Variants in GUK1 observed in about 807,000 individuals in gnomAD.
The protein encoded by GUK1 is guanylate kinase.
In GUK1, 18 loss-of-function variants were observed where a neutral mutation model predicts 25.2. The observed-to-expected ratio is 0.71, with a 90% CI of 0.49 to 1.06. The LOEUF is 1.06. Among genes scored for constraint, GUK1 ranks in the 50% least tolerant of loss-of-function variants. The pLI, the probability that GUK1 is intolerant of heterozygous loss-of-function variation, is 0.00. For synonymous variants in GUK1, 105 were observed against 117.6 expected, an observed-to-expected ratio of 0.89 and a Z score of 0.69; for missense variants, 261 against 276.7, an observed-to-expected ratio of 0.94 and a Z score of 0.40.
rs139322242 is a variant in GUK1 at position 228,148,430 on chromosome 1, G to A, written c.535G>A (p.Ala179Thr). The A allele has an allele frequency of 5.0e-5, 78 of 1,572,886 alleles. No homozygotes were observed. The African/African-American group carries it at 7.6e-4, about 15-fold the overall frequency. Reference sequence around the variant, plus strand: ...TAACGACAGCCTGGACCAGGCCTACGCAGAGCTGAAGGAGGCGCTCTCTGA... The same window carrying A: ...TAACGACAGCCTGGACCAGGCCTACACAGAGCTGAAGGAGGCGCTCTCTGA... Residue 179 changes from alanine (A) to threonine (T), a missense_variant, in exon 8 of 9, where the codon GCA becomes ACA. Ala to Thr is a moderately conservative substitution (Grantham distance 58). Coordinates refer to ENST00000312726, the MANE Select transcript of GUK1 (RefSeq NM_000858.7).
At chr1:228,144,097 CATGT>C (rs1230040775) in intron 2 of GUK1, among the ~76,000 whole-genome samples, 5 of 151,938 alleles carry the variant, frequency 3.3e-5, no homozygotes, top group Non-Finnish European at 7.4e-5. Flanking sequence ...TGTGTGCATG[CATGT>C]GTGTGTGTTT....
At chr1:228,141,946 C>A in intron 2 of GUK1, 1 of 300,406 alleles carries the variant, frequency 3.3e-6, no homozygotes, top group Non-Finnish European at 5.7e-6. Context: ...CCTCTGCCCA[C>A]AGGAAGACAC....
At position 228,148,826 on chromosome 1, in the gene GUK1, C is replaced by A; in HGVS notation, c.*129C>A. The A allele has an allele frequency of 6.4e-7, 1 of 1,561,832 alleles. No homozygotes were observed. The stretch of plus-strand genomic sequence containing the variant: ...GCATGTGGAGTGGAGGAGATGCTGC[C>A]CCTGTGGTTGGAACATCCTGGGGTG... On this transcript the variant is annotated 3_prime_UTR_variant, in exon 9 of 9. Transcript: ENST00000312726.
chr1:228,147,487 G>T lies in GUK1; in HGVS notation c.333G>T (p.Lys111Asn), dbSNP rs376785107. 3.1e-6 allele frequency: 5 copies of T among 1,613,186 alleles called. No homozygotes were observed. The East Asian group carries it at 1.1e-4, about 36-fold the overall frequency. Residue 111 changes from lysine to asparagine, a missense_variant, in exon 6 of 9, where the codon AAG (lysine) becomes AAT (asparagine). By Grantham distance (94) the Lys-to-Asn change is moderately conservative. Transcript: ENST00000312726. The stretch of plus-strand genomic sequence containing the variant: ...ACCTGCAGGGTGTGCGGAACATCAA[G>T]GCCACCGATCTGCGGCCCATCTACA...
At position 228,148,429 on chromosome 1, in the gene GUK1, C is replaced by A. The variant is rs146725528; in HGVS notation, c.534C>A (p.Tyr178Ter). The A allele has an allele frequency of 6.4e-7, 1 of 1,572,668 alleles. No individual in the cohort carries two copies. Among genetic ancestry groups the A allele is most frequent in the South Asian group, 1.2e-5 (1 of 86,444 alleles). Residue 178 changes from tyrosine (Y) to a stop codon, truncating the protein, a stop_gained, in exon 8 of 9, where the codon TAC becomes TAA. Coordinates refer to ENST00000312726, the MANE Select transcript of GUK1 (RefSeq NM_000858.7). LOFTEE classifies it high-confidence loss of function. Reference sequence around the variant, plus strand: ...TTAACGACAGCCTGGACCAGGCCTACGCAGAGCTGAAGGAGGCGCTCTCTG... The same window carrying A: ...TTAACGACAGCCTGGACCAGGCCTAAGCAGAGCTGAAGGAGGCGCTCTCTG...
Position 228,146,017 on chromosome 1 carries a change from C to T in GUK1, c.113-9C>T. ...GCAGCCCCCGATGGGTGACAGGTCT[C>T]TCTGCTAGATACCACGAGGAACCCG... On this transcript the variant is annotated splice_polypyrimidine_tract_variant and intron_variant, in intron 3 of 8. Coordinates refer to ENST00000312726, the MANE Select transcript of GUK1 (RefSeq NM_000858.7). The T allele has an allele frequency of 6.2e-7, 1 of 1,608,422 alleles. No homozygotes were observed. The highest frequency in any genetic ancestry group is 1.1e-5 in the South Asian group (1 of 90,954).
At chr1:228,146,966 TC>T in intron 5 of GUK1, 28 bp downstream of exon 4, 1 of 1,473,416 alleles carries the variant, frequency 6.8e-7, no homozygotes, top group Non-Finnish European at 9.5e-7. Context: ...GTGGGTGGGC[TC>T]CCAGGGTTGC....
At position 228,147,944 on chromosome 1, in the gene GUK1, A is replaced by G. The variant is rs1438446078; in HGVS notation, c.475+245A>G. The G allele has an allele frequency of 5.1e-6, 3 of 583,020 alleles. No individual in the cohort carries two copies. In the Admixed American group the frequency reaches 9.4e-5, roughly 18 times the overall value. The allele number at this position is 583,020 out of a possible 1,614,324, so 36.1% of individuals were successfully genotyped here. On this transcript the variant is annotated intron_variant, in intron 7 of 8. Coordinates refer to ENST00000312726, the MANE Select transcript of GUK1 (RefSeq NM_000858.7). ...CCCTCTGTTACCCAGAGTCTCCGTG[A>G]GGGCCCCCAGACCCCCCATCGCCCA...
intron 5 of GUK1, among the ~76,000 whole-genome samples, 173 bp from the exon 5 acceptor site, chr1:228,147,233 G>T (rs570357420): frequency 4.6e-5 from 7 of 152,318 alleles, no homozygotes; most frequent in African/African-American, 1.7e-4. Flanking sequence ...CCTGTAGGCG[G>T]GGCAGGGCGT....
rs1304399502 is a variant in GUK1, at chr1:228,141,939, C to T, written c.-3+651C>T. On this transcript the variant is annotated intron_variant, in intron 2 of 8. Coordinates refer to ENST00000312726, the MANE Select transcript of GUK1 (RefSeq NM_000858.7). ...AGAATGTTTGCTGGAATGCTTCCCT[C>T]TGCCCACAGGAAGACACCTTTGGCG... The T allele has an allele frequency of 3.5e-5, 12 of 345,518 alleles. No individual in the cohort carries two copies. In the Admixed American group the frequency reaches 5.6e-4, roughly 16 times the overall value. 21.4% of individuals were successfully genotyped at this position (345,518 alleles called of 1,614,324 possible). A position where few individuals can be genotyped will look rare whatever the true frequency, so the allele number is the denominator to read the frequency against.
rs1478512810 is a variant in GUK1, at chr1:228,146,904, CA to C, written c.218del (p.His73LeufsTer22). 1 of 1,613,554 alleles carries C rather than the reference CA, an allele frequency of 6.2e-7. No individual in the cohort carries two copies. The highest frequency in any genetic ancestry group is 8.5e-7 in the Non-Finnish European group (1 of 1,179,604). Reference sequence around the variant, plus strand: ...CATAGCAGCCGGCGACTTCATCGAGCATGCCGAGTTCTCGGGGAACCTGTAT... The same window carrying C: ...CATAGCAGCCGGCGACTTCATCGAGCTGCCGAGTTCTCGGGGAACCTGTAT... On this transcript the variant is annotated frameshift_variant, in exon 5 of 9. Coordinates refer to ENST00000312726, the MANE Select transcript of GUK1 (RefSeq NM_000858.7). LOFTEE classifies it high-confidence loss of function.
At chr1:228,142,330 CAT>C (rs747710808) in intron 2 of GUK1, among the ~76,000 whole-genome samples, 1 of 151,966 alleles carries the variant, frequency 6.6e-6, no homozygotes, top group Admixed American at 6.5e-5. Context: ...ATTGGTGTGT[CAT>C]GTGTGCCTCG....
chr1:228,147,733 G>A (rs1317349161), intron 7 of GUK1, 34 bp downstream of exon 6: 3 of 1,593,070 alleles, frequency 1.9e-6, no homozygotes, highest in South Asian at 1.1e-5. Flanking sequence ...GGGAATGCCA[G>A]GAGGGGAGTC....
In GUK1 at chr1:228,148,688, C is replaced by A; in HGVS notation, c.585C>A (p.Thr195=). ...AGGAAATCAAGAAAGCTCAAAGGAC[C>A]GGCGCCTGAGGCTTGCTGTCTGTTC... is the stretch of plus-strand genomic sequence containing the variant. The change falls in exon 9 of 9, where the codon ACC becomes ACA. Residue 195 remains threonine (T), a synonymous_variant. Coordinates refer to ENST00000312726, the MANE Select transcript of GUK1 (RefSeq NM_000858.7). 1 of 1,600,010 alleles carries A rather than the reference C, an allele frequency of 6.2e-7. No homozygotes were observed.
rs778563697 is a variant in GUK1 at position 228,148,664 on chromosome 1, G to A, written c.562-1G>A. Reference sequence around the variant, plus strand: ...CAACTCCCTTTCTTCCTCACTGGCAGGAAATCAAGAAAGCTCAAAGGACCG... The same window carrying A: ...CAACTCCCTTTCTTCCTCACTGGCAAGAAATCAAGAAAGCTCAAAGGACCG... On this transcript the variant is annotated splice_acceptor_variant, in intron 8 of 8. Transcript: ENST00000312726. LOFTEE classifies it high-confidence loss of function. 1.9e-6 allele frequency: 3 copies of A among 1,588,052 alleles called. No homozygotes were observed. The South Asian group carries it at 3.3e-5, about 17-fold the overall frequency.
chr1:228,141,337 G>A, intron 2 of GUK1: 1 of 838,966 alleles, frequency 1.2e-6, no homozygotes, highest in African/African-American at 1.8e-5. Context: ...GAAAATGAAA[G>A]CGCCCTGGCT....
chr1:228,141,482 CCCAGAGCCCAGG>C, intron 2 of GUK1: 1 of 375,116 alleles, frequency 2.7e-6, no homozygotes, highest in Non-Finnish European at 3.9e-6. Context: ...CCTGGCCCAG[CCCAGAGCCCAGG>C]CCCACGTCTG....
intron 5 of GUK1, 27 bp downstream of exon 4, chr1:228,146,965 C>A: frequency 6.7e-7 from 1 of 1,484,224 alleles, no homozygotes; most frequent in African/African-American, 1.4e-5. Flanking sequence ...TGTGGGTGGG[C>A]TCCCAGGGTT....
chr1:228,146,439 C>A, intron 4 of GUK1: 1 of 436,890 alleles, frequency 2.3e-6, no homozygotes. Context: ...AAGGGACCCC[C>A]TTCCCAACAG....
Sources: allele counts gnomAD v4.1 joint callset (sites outside exome capture counted in the v4.1 genomes callset), GRCh38; gene constraint gnomAD v4.1.1; transcripts MANE v1.5; gene names NCBI Gene and HGNC (gene_info 2026-07-23, HGNC 2026-07-21).